The following YIF1A variants were observed in gnomAD, a reference collection of about 807,000 sequenced individuals.
YIF1A encodes protein YIF1A.
Under a neutral mutation model 32.6 loss-of-function variants are expected in YIF1A, and 28 were observed. That is an observed-to-expected ratio of 0.86 (90% CI 0.64 to 1.18). The LOEUF is 1.18. YIF1A is among the 50% of genes most tolerant of loss of function. The pLI, the probability that YIF1A is intolerant of heterozygous loss-of-function variation, is 0.00. For synonymous variants in YIF1A, 175 were observed against 162.2 expected (o/e 1.08, Z -0.60); for missense variants, 373 against 390.8 (o/e 0.95, Z 0.38).
intron 4 of YIF1A, 49 bp downstream of exon 4, chr11:66,287,549 C>T: frequency 6.5e-7 from 1 of 1,548,068 alleles, no homozygotes; most frequent in Non-Finnish European, 8.8e-7. Context: ...GGCACAAGTC[C>T]CCCCCGACCC....
chr11:66,285,103 C>T (rs1019579586), intron 6 of YIF1A, 137 bp from the exon 7 acceptor site: 2 of 990,640 alleles, frequency 2.0e-6, no homozygotes, highest in Admixed American at 5.1e-5. Flanking sequence ...CCACAGGGAC[C>T]CAGACCCCAA....
intron 4 of YIF1A, 90 bp downstream of exon 4, chr11:66,287,508 A>T (rs1857373349): frequency 1.4e-6 from 2 of 1,395,970 alleles, no homozygotes; most frequent in South Asian, 2.5e-5. Context: ...CTGACTCAGT[A>T]GCTGCGCCTC....
At chr11:66,286,316 C>T (rs1200170011) in intron 4 of YIF1A, among the ~76,000 whole-genome samples, 1 of 152,230 alleles carries the variant, frequency 6.6e-6, no homozygotes, top group South Asian at 2.1e-4. Context: ...TCTTCTGCCC[C>T]GCTTAAAGCA....
rs201341472 is a variant in YIF1A at position 66,287,608 on chromosome 11, G to C, written c.417C>G (p.Leu139=). The C allele has an allele frequency of 2.5e-6, 4 of 1,611,286 alleles. No individual in the cohort carries two copies. Among genetic ancestry groups the C allele is most frequent in the East Asian group, 2.2e-5 (1 of 44,762 alleles). The change falls in exon 4 of 8, where the codon CTC becomes CTG. Residue 139 remains leucine (L), a synonymous_variant. Coordinates refer to ENST00000376901, the MANE Select transcript of YIF1A (RefSeq NM_020470.3). ...AGGTTGGAGACTCACTGGGGATATA[G>C]AGGTCAGGGGCGTTGAGGTCTTGCC... The part of the protein sequence containing the change: ...PPRQDLNAPD[L]YIPTMAFITY...
chr11:66,288,824 A>C, intron 1 of YIF1A, 131 bp downstream of exon 1: 1 of 1,068,618 alleles, frequency 9.4e-7, no homozygotes, highest in Non-Finnish European at 1.3e-6. Flanking sequence ...GAGTGTTACG[A>C]GGGGCAGGAA....
At position 66,288,075 on chromosome 11, in the gene YIF1A, C is replaced by CCA; in HGVS notation, c.243+4_243+5dup. On this transcript the variant is annotated splice_donor_region_variant and intron_variant, in intron 2 of 7. Transcript: ENST00000376901. ...CTGCCACCCGTGCCCCGGGGGCAGGCCACACCTCCTTGTGCACCATGTCCT... is the reference window on the plus strand; with the variant it reads ...CTGCCACCCGTGCCCCGGGGGCAGGCCACACACCTCCTTGTGCACCATGTCCT... 6.2e-7 allele frequency: 1 copy of CCA among 1,612,870 alleles called. No homozygotes were observed. The highest frequency in any genetic ancestry group is 1.1e-5 in the South Asian group (1 of 91,044).
chr11:66,287,835 G>A lies in YIF1A; in HGVS notation c.325C>T (p.Leu109=). ...ACCTGGTGTGTGTAGGGGAAGACCA[G>A]CAGCCCTAGCTTCTTGGCCACGTAG... The part of the protein sequence containing the change: ...TAYVAKKLGL[L]VFPYTHQNWE... The change falls in exon 3 of 8, where the codon CTG becomes TTG. Residue 109 remains leucine, a synonymous_variant. Coordinates refer to ENST00000376901, the MANE Select transcript of YIF1A (RefSeq NM_020470.3). The A allele has an allele frequency of 6.2e-7, 1 of 1,614,034 alleles. No homozygotes were observed. The highest frequency in any genetic ancestry group is 1.1e-5 in the South Asian group (1 of 91,088).
Position 66,285,462 on chromosome 11 carries a change from A to G in YIF1A, c.560T>C (p.Leu187Pro). Residue 187 changes from leucine (L) to proline (P), a missense_variant, in exon 6 of 8, where the codon CTC (leucine) becomes CCC (proline). Leu to Pro is a moderately conservative substitution (Grantham distance 98). Coordinates refer to ENST00000376901, the MANE Select transcript of YIF1A (RefSeq NM_020470.3). ...CACGGTGGCCAGGTAGAGGCCCAGG[A>G]GCAGGGCCAGCACCTCCATCACCAC... ...VWVVMEVLALLLGLYLATVRS... is the reference protein window; with the variant it reads ...VWVVMEVLALPLGLYLATVRS... 1 of 1,613,290 alleles carries G rather than the reference A, an allele frequency of 6.2e-7. No individual in the cohort carries two copies. Among genetic ancestry groups the G allele is most frequent in the Non-Finnish European group, 8.5e-7 (1 of 1,180,018 alleles).
At chr11:66,288,931 G>GCGCCC (rs1246254277) in intron 1 of YIF1A, 24 bp downstream of exon 1, 34 of 1,473,988 alleles carry the variant, frequency 2.3e-5, no homozygotes, top group Non-Finnish European at 3.0e-5. Context: ...CGGCCGCGCC[G>GCGCCC]CGCCCCGCCC....
At position 66,289,036 on chromosome 11, in the gene YIF1A, C is replaced by A. The variant is rs775717481; in HGVS notation, c.-51G>T. On this transcript the variant is annotated 5_prime_UTR_variant, in exon 1 of 8. Coordinates refer to ENST00000376901, the MANE Select transcript of YIF1A (RefSeq NM_020470.3). ...GGCCCGCTGCGCCGCCTCGTGGGTA[C>A]GAATACTAATGAGGCAGCTGCTCCG... 2 of 1,555,864 alleles carry A rather than the reference C, an allele frequency of 1.3e-6. No homozygotes were observed. Among genetic ancestry groups the A allele is most frequent in the Non-Finnish European group, 1.7e-6 (2 of 1,160,588 alleles).
chr11:66,284,881 A>G lies in YIF1A; in HGVS notation c.727T>C (p.Tyr243His). The G allele has an allele frequency of 6.2e-7, 1 of 1,613,244 alleles. No homozygotes were observed. Among genetic ancestry groups the G allele is most frequent in the Non-Finnish European group, 8.5e-7 (1 of 1,179,982 alleles). Residue 243 changes from tyrosine (Y) to histidine (H), a missense_variant, in exon 7 of 8, where the codon TAC becomes CAC. Tyr to His is a moderately conservative substitution (Grantham distance 83). Coordinates refer to ENST00000376901, the MANE Select transcript of YIF1A (RefSeq NM_020470.3). The stretch of plus-strand genomic sequence containing the variant: ...GGGTGCACCAGACTCACAATGAAGT[A>G]CATGAGCGCCGATGAGGTCCAGGCC... ...ALAWTSSALM[Y>H]FIVRSLRTAA...
intron 1 of YIF1A, among the ~76,000 whole-genome samples, chr11:66,288,690 G>C (rs1857403026): frequency 6.6e-6 from 1 of 152,248 alleles, no homozygotes; most frequent in Non-Finnish European, 1.5e-5. Context: ...ACAGTGATCA[G>C]GGACCTCATC....
chr11:66,287,408 C>T (rs1168969749), intron 4 of YIF1A, 190 bp downstream of exon 4: 11 of 642,362 alleles, frequency 1.7e-5, no homozygotes, highest in Middle Eastern at 2.5e-4. Flanking sequence ...ACACTGAAGG[C>T]GCATTCAGGA....
Position 66,288,222 on chromosome 11 carries a change from G to A in YIF1A, c.102C>T (p.Ser34=). ...TGGCTGGGTATCCCCCGGGCTGGCT[G>A]GAATAACCACCGCTTGTGTCATCGA... ...PLFDDTSGGY[S]SQPGGYPATG... Residue 34 remains serine (S), a synonymous_variant, in exon 2 of 8, where the codon TCC becomes TCT. Transcript: ENST00000376901. 7 of 1,614,090 alleles carry A rather than the reference G, an allele frequency of 4.3e-6. No individual in the cohort carries two copies. Among genetic ancestry groups the A allele is most frequent in the African/African-American group, 1.3e-5 (1 of 75,060 alleles).
In YIF1A at chr11:66,289,000, C is replaced by G. The variant is rs571754609; in HGVS notation, c.-15G>C. On this transcript the variant is annotated 5_prime_UTR_variant, in exon 1 of 8. Coordinates refer to ENST00000376901, the MANE Select transcript of YIF1A (RefSeq NM_020470.3). ...TGATAAGCCATGGCCGCGACGCTCG[C>G]TGTCCCCGAGGGCCCGCTGCGCCGC... 6.3e-7 allele frequency: 1 copy of G among 1,579,116 alleles called. No individual in the cohort carries two copies. Among genetic ancestry groups the G allele is most frequent in the Non-Finnish European group, 8.5e-7 (1 of 1,170,682 alleles).
In YIF1A at chr11:66,284,924, A is replaced by G; in HGVS notation, c.684T>C (p.Asp228=). The G allele has an allele frequency of 6.2e-7, 1 of 1,613,394 alleles. No individual in the cohort carries two copies. The highest frequency in any genetic ancestry group is 1.7e-4 in the Middle Eastern group (1 of 6,056). ...TCCAGGCCAGCGCCACGTAGTAGCC[A>G]TCGCTGCCGAACAGCAGCCCCGTGA... The part of the protein sequence containing the change: ...SVLTGLLFGS[D]GYYVALAWTS... The change falls in exon 7 of 8, where the codon GAT becomes GAC. Residue 228 remains aspartate, a synonymous_variant. Transcript: ENST00000376901.
chr11:66,288,581 CCA>C (rs1309293877), intron 1 of YIF1A, among the ~76,000 whole-genome samples: 2 of 152,226 alleles, frequency 1.3e-5, no homozygotes, highest in Non-Finnish European at 2.9e-5. Flanking sequence ...CTGAACTGAG[CCA>C]CAGTGAGTAG....
In YIF1A at chr11:66,287,923, G is replaced by A; in HGVS notation, c.244-7C>T. On this transcript the variant is annotated splice_polypyrimidine_tract_variant and splice_region_variant and intron_variant, in intron 2 of 7. Coordinates refer to ENST00000376901, the MANE Select transcript of YIF1A (RefSeq NM_020470.3). Reference sequence around the variant, plus strand: ...CAGACACAAAACGGTGCAGCTGGGAGGGGAGAGAGGAAGCTGTGGGCAAGC... The same window carrying A: ...CAGACACAAAACGGTGCAGCTGGGAAGGGAGAGAGGAAGCTGTGGGCAAGC... 3.1e-6 allele frequency: 5 copies of A among 1,612,600 alleles called. No homozygotes were observed. Among genetic ancestry groups the A allele is most frequent in the African/African-American group, 1.3e-5 (1 of 75,020 alleles).
At chr11:66,288,366 C>A in intron 1 of YIF1A, 74 bp from the exon 2 acceptor site, 1 of 1,575,038 alleles carries the variant, frequency 6.3e-7, no homozygotes, top group Non-Finnish European at 8.7e-7. Context: ...CCTTCCCTGG[C>A]TGGACAGCCC....
Sources: gnomAD v4.1 joint callset for allele counts (sites outside exome capture counted in the v4.1 genomes callset) on GRCh38, gnomAD v4.1.1 for gene constraint, MANE v1.5 for transcripts, NCBI Gene and HGNC (gene_info 2026-07-23, HGNC 2026-07-21) for gene names.